Variants in NLRP3 observed in about 807,000 individuals in gnomAD.
NLRP3 encodes NACHT, LRR and PYD domains-containing protein 3.
A neutral mutation model predicts 91.3 loss-of-function variants in NLRP3; 48 were observed. The ratio of observed to expected loss-of-function variants is 0.53; its 90% confidence interval spans 0.42 to 0.67. The LOEUF is 0.67. Ranked by LOEUF, NLRP3 falls within the 30% of genes least tolerant of loss-of-function variation. NLRP3 has a pLI of 0.00. For missense variants in NLRP3, 982 were observed against 1,276.9 expected (o/e 0.77, Z 3.52); for synonymous variants, 561 against 507.9 (o/e 1.10, Z -1.41).
intron 4 of NLRP3, among the ~76,000 whole-genome samples, chr1:247,426,381 C>T (rs1662885110): frequency 6.6e-6 from 1 of 152,208 alleles, no homozygotes; most frequent in Admixed American, 6.5e-5. Flanking sequence ...CACCTGACTT[C>T]TGAGTCCCTT....
intron 5 of NLRP3, among the ~76,000 whole-genome samples, chr1:247,431,439 T>C (rs1663316449): frequency 6.6e-6 from 1 of 152,120 alleles, no homozygotes; most frequent in African/African-American, 2.4e-5. Flanking sequence ...CTTATCAATT[T>C]TTCCTCCTAC....
In NLRP3 at chr1:247,448,591, G is replaced by A; in HGVS notation, c.*87G>A. 1 of 824,880 alleles carries A rather than the reference G, an allele frequency of 1.2e-6. No homozygotes were observed. The highest frequency in any genetic ancestry group is 2.2e-6 in the Non-Finnish European group (1 of 464,292). 51.1% of individuals were successfully genotyped at this position (824,880 alleles called of 1,614,324 possible). ...GTGGAGAGAGCTGCGATCCATCCAG[G>A]CCAAGACCACAGCTCTGTGATCCTT... On this transcript the variant is annotated 3_prime_UTR_variant, in exon 10 of 10. Coordinates refer to ENST00000336119, the MANE Select transcript of NLRP3 (RefSeq NM_001243133.2).
At position 247,423,853 on chromosome 1, in the gene NLRP3, G is replaced by GT; in HGVS notation, c.405dup (p.Lys136Ter). On this transcript the variant is annotated frameshift_variant, in exon 4 of 10. Transcript: ENST00000336119. LOFTEE classifies it high-confidence loss of function. ...CTTCCTGTCTTTGCCGTAGATTACC[G>GT]TAAGAAGTACAGAAAGTACGTGAGA... 1 of 1,613,686 alleles carries GT rather than the reference G, an allele frequency of 6.2e-7. No individual in the cohort carries two copies. Among genetic ancestry groups the GT allele is most frequent in the Non-Finnish European group, 8.5e-7 (1 of 1,179,866 alleles).
At position 247,425,387 on chromosome 1, in the gene NLRP3, C is replaced by CTA; in HGVS notation, c.1940_1941dup (p.Phe648IlefsTer73). ...AGGACTTCGTGCAAAGGGCCATGGA[C>CTA]TATTTCCCCAAGATTGAGATCAATC... On this transcript the variant is annotated frameshift_variant, in exon 4 of 10. Transcript: ENST00000336119. LOFTEE classifies it high-confidence loss of function. This position sits in a 1 kb window ranked among gnomAD's most constrained non-coding sequence, Gnocchi z 4.1. 1 of 1,614,194 alleles carries CTA rather than the reference C, an allele frequency of 6.2e-7. No homozygotes were observed. The highest frequency in any genetic ancestry group is 1.3e-5 in the African/African-American group (1 of 75,058).
chr1:247,444,094 T>G lies in NLRP3; in HGVS notation c.2786T>G (p.Leu929Arg). 1 of 1,614,218 alleles carries G rather than the reference T, an allele frequency of 6.2e-7. No homozygotes were observed. Residue 929 changes from leucine to arginine, a missense_variant, in exon 8 of 10, where the codon CTA (leucine) becomes CGA (arginine). Leu to Arg is a moderately radical substitution (Grantham distance 102). Around this residue, in one of 5 missense-constraint regions of NLRP3, gnomAD observed 373 missense variants for 431.5 expected, o/e 0.86. Transcript: ENST00000336119. Reference sequence around the variant, plus strand: ...ACTCTCGGAGACAAGGGGATCAAACTACTCTGTGAGGGACTCTTGCACCCC... The same window carrying G: ...ACTCTCGGAGACAAGGGGATCAAACGACTCTGTGAGGGACTCTTGCACCCC... ...GNTLGDKGIK[L>R]LCEGLLHPDC...
At chr1:247,446,318 G>C (rs1664581365) in intron 9 of NLRP3, among the ~76,000 whole-genome samples, 1 of 152,190 alleles carries the variant, frequency 6.6e-6, no homozygotes, top group African/African-American at 2.4e-5. Context: ...GATTTTAGCA[G>C]ACAAGGGATT....
At chr1:247,441,088 C>A (rs1664179499) in intron 7 of NLRP3, among the ~76,000 whole-genome samples, 1 of 149,062 alleles carries the variant, frequency 6.7e-6, no homozygotes, top group Non-Finnish European at 1.5e-5. Flanking sequence ...TTCCTTCCTT[C>A]CTTCTTCCTC....
chr1:247,436,221 T>C, intron 7 of NLRP3, 81 bp downstream of exon 7: 1 of 1,424,132 alleles, frequency 7.0e-7, no homozygotes, highest in Non-Finnish European at 9.8e-7. Flanking sequence ...TGGGGGTTAC[T>C]TTGGTCAGGC....
intron 4 of NLRP3, among the ~76,000 whole-genome samples, chr1:247,429,276 G>C (rs566485968): frequency 6.6e-6 from 1 of 152,114 alleles, no homozygotes; most frequent in Non-Finnish European, 1.5e-5. Flanking sequence ...AGCACAGAAC[G>C]TTCAGGGCCA....
Position 247,448,551 on chromosome 1 carries a change from G to C in NLRP3, c.*47G>C. On this transcript the variant is annotated 3_prime_UTR_variant, in exon 10 of 10. Transcript: ENST00000336119. ...ACGCCAGTGTTCTCCGGTCCCTCCA[G>C]CTGGGGGCCCTCAGGTGGAGAGAGC... 1 of 1,151,338 alleles carries C rather than the reference G, an allele frequency of 8.7e-7. No individual in the cohort carries two copies. The highest frequency in any genetic ancestry group is 1.3e-6 in the Non-Finnish European group (1 of 757,214). 71.3% of individuals were successfully genotyped at this position (1,151,338 alleles called of 1,614,324 possible).
rs1663172209 is a variant in NLRP3 at position 247,429,751 on chromosome 1, T to C, written c.2317T>C (p.Leu773=). Residue 773 remains leucine (L), a synonymous_variant, in exon 5 of 10, where the codon TTG becomes CTG. Coordinates refer to ENST00000336119, the MANE Select transcript of NLRP3 (RefSeq NM_001243133.2). The stretch of plus-strand genomic sequence containing the variant: ...GCATCCTGGCTGTAACATTCGGAGA[T>C]TGTGGTGAGTCCCCGTGCATGTGAT... ...LQHPGCNIRR[L]WLGRCGLSHE... 10 of 1,613,520 alleles carry C rather than the reference T, an allele frequency of 6.2e-6. No individual in the cohort carries two copies. Among genetic ancestry groups the C allele is most frequent in the South Asian group, 1.1e-5 (1 of 91,052 alleles).
chr1:247,418,693 C>G lies in NLRP3; in HGVS notation c.-108C>G. 1 of 1,308,084 alleles carries G rather than the reference C, an allele frequency of 7.6e-7. No individual in the cohort carries two copies. The highest frequency in any genetic ancestry group is 1.1e-6 in the Non-Finnish European group (1 of 916,238). 81.0% of individuals were successfully genotyped at this position (1,308,084 alleles called of 1,614,324 possible). A position where few individuals can be genotyped will look rare whatever the true frequency, so the allele number is the denominator to read the frequency against. Reference sequence around the variant, plus strand: ...TTGCTGAGTTTTTGATAATTTATATCTCTCAAAGTGGAGACTTTAAAAAAG... The same window carrying G: ...TTGCTGAGTTTTTGATAATTTATATGTCTCAAAGTGGAGACTTTAAAAAAG... On this transcript the variant is annotated 5_prime_UTR_variant, in exon 2 of 10. In the 5' UTR this introduces an upstream ATG that the reference lacks. Coordinates refer to ENST00000336119, the MANE Select transcript of NLRP3 (RefSeq NM_001243133.2).
intron 4 of NLRP3, among the ~76,000 whole-genome samples, chr1:247,428,483 G>A (rs1284169599): frequency 6.6e-6 from 1 of 152,366 alleles, no homozygotes; most frequent in Middle Eastern, 3.4e-3. Context: ...GTGACTGCAT[G>A]TGTGGGTGCA....
At chr1:247,431,217 G>A (rs901823876) in intron 5 of NLRP3, among the ~76,000 whole-genome samples, 2 of 149,856 alleles carry the variant, frequency 1.3e-5, no homozygotes, top group East Asian at 1.9e-4. Context: ...AATAAAAAAT[G>A]TGCTTGCTTT....
At chr1:247,442,409 G>A (rs1331568795) in intron 7 of NLRP3, among the ~76,000 whole-genome samples, 1 of 152,192 alleles carries the variant, frequency 6.6e-6, no homozygotes, top group African/African-American at 2.4e-5. Context: ...GTGCTCCTAG[G>A]AATTACGCCA....
chr1:247,428,613 GC>G (rs1443694453), intron 4 of NLRP3, among the ~76,000 whole-genome samples: 1 of 151,734 alleles, frequency 6.6e-6, no homozygotes, highest in Non-Finnish European at 1.5e-5. Context: ...AAAAACAAAA[GC>G]AAAAATGTGA....
intron 8 of NLRP3, 87 bp from the exon 9 acceptor site, chr1:247,444,564 A>T: frequency 6.9e-7 from 1 of 1,455,002 alleles, no homozygotes. Context: ...TTTCCACCTG[A>T]AACAAGACAG....
chr1:247,420,661 G>T (rs1239732176), intron 2 of NLRP3, among the ~76,000 whole-genome samples: 2 of 152,146 alleles, frequency 1.3e-5, no homozygotes, highest in Non-Finnish European at 2.9e-5. Flanking sequence ...AGGTTGCAGT[G>T]AGCTGAGATT....
At chr1:247,443,371 G>A (rs1272197990) in intron 7 of NLRP3, among the ~76,000 whole-genome samples, 1 of 152,130 alleles carries the variant, frequency 6.6e-6, no homozygotes, top group African/African-American at 2.4e-5. Context: ...GGGCTGCAGC[G>A]AGAAAGATGT....
Sources: allele counts gnomAD v4.1 joint callset (sites outside exome capture counted in the v4.1 genomes callset), GRCh38; gene constraint gnomAD v4.1.1; regional missense constraint gnomAD v4.1.1; non-coding constraint Gnocchi (gnomAD v3.1); transcripts MANE v1.5; gene names NCBI Gene and HGNC (gene_info 2026-07-23, HGNC 2026-07-21).